EGLN2: variants seen among roughly 807,000 people sequenced by gnomAD.
EGLN2 encodes the protein egl-9 family hypoxia inducible factor 2.
EGLN2 carries 15 observed loss-of-function variants against 38.2 expected under a neutral mutation model. The observed-to-expected ratio is 0.39, with a 90% CI of 0.26 to 0.60. The LOEUF (loss-of-function observed/expected upper bound fraction) is 0.60. EGLN2 is among the 20% of genes least tolerant of loss of function. EGLN2 has a pLI of 0.50. For missense variants in EGLN2, 492 were observed against 570.4 expected, an observed-to-expected ratio of 0.86 and a Z score of 1.40; for synonymous variants, 284 against 237.4, an observed-to-expected ratio of 1.20 and a Z score of -1.81.
chr19:40,801,323 C>G lies in EGLN2; in HGVS notation c.751C>G (p.Arg251Gly), dbSNP rs558399060. 10 of 1,612,734 alleles carry G rather than the reference C, an allele frequency of 6.2e-6. No individual in the cohort carries two copies. The highest frequency in any genetic ancestry group is 1.7e-4 in the Middle Eastern group (1 of 6,060). The change falls in exon 2 of 6, where the codon CGA becomes GGA. Residue 251 changes from arginine to glycine, a missense_variant. This residue lies in a region of EGLN2 where 378 missense variants were observed against 386.2 expected (regional missense o/e 0.98). Coordinates refer to ENST00000303961, the MANE Select transcript of EGLN2 (RefSeq NM_080732.4). ...GGTGGAAGGCCATGAACCAGGCTGT[C>G]GAAGCATTGGTGCCCTCATGGCCCA... ...AWVEGHEPGC[R>G]SIGALMAHVD...
intron 2 of EGLN2, among the ~76,000 whole-genome samples, chr19:40,801,859 G>A (rs1336886904): frequency 6.6e-6 from 1 of 151,642 alleles, no homozygotes; most frequent in African/African-American, 2.4e-5. Flanking sequence ...TTAGGGAGTG[G>A]TGATGACTCT....
At chr19:40,803,663 C>T (rs2083280054) in intron 2 of EGLN2, among the ~76,000 whole-genome samples, 1 of 151,912 alleles carries the variant, frequency 6.6e-6, no homozygotes, top group African/African-American at 2.4e-5. Context: ...CCCCCAACTC[C>T]CTGGTTGGGG....
intron 1 of EGLN2, 179 bp from the exon 2 acceptor site, chr19:40,800,160 A>G (rs1015843717): frequency 1.5e-4 from 29 of 192,228 alleles, no homozygotes; most frequent in Admixed American, 1.5e-3. Context: ...CTGTCAGCGG[A>G]CTCCCGCACC....
intron 3 of EGLN2, 155 bp downstream of exon 3, chr19:40,806,829 C>T: frequency 8.9e-7 from 1 of 1,122,970 alleles, no homozygotes; most frequent in Non-Finnish European, 1.3e-6. Flanking sequence ...CCGGCTCTTC[C>T]TGGGAAATGG....
At chr19:40,807,398 G>A (rs2145093469) in intron 4 of EGLN2, 86 bp from the exon 5 acceptor site, 1 of 1,605,222 alleles carries the variant, frequency 6.2e-7, no homozygotes, top group Non-Finnish European at 8.5e-7. Context: ...GCAGAACCGG[G>A]TGGCTCAAAA....
rs373130523 is a variant in EGLN2 at position 40,800,938 on chromosome 19, C to T, written c.366C>T (p.Ala122=). 2.6e-5 allele frequency: 42 copies of T among 1,610,158 alleles called. No individual in the cohort carries two copies. The highest frequency in any genetic ancestry group is 1.3e-4 in the African/African-American group (10 of 75,012). The part of the protein sequence containing the change: ...ARPEAPKRKW[A]EDGGDAPSPS... Reference sequence around the variant, plus strand: ...CTGAGGCCCCCAAACGGAAATGGGCCGAGGATGGTGGGGATGCCCCTTCAC... The same window carrying T: ...CTGAGGCCCCCAAACGGAAATGGGCTGAGGATGGTGGGGATGCCCCTTCAC... Residue 122 remains alanine, a synonymous_variant, in exon 2 of 6, where the codon GCC becomes GCT. Coordinates refer to ENST00000303961, the MANE Select transcript of EGLN2 (RefSeq NM_080732.4).
In EGLN2 at chr19:40,808,218, G is replaced by C. The variant is rs2083320160; in HGVS notation, c.*354G>C. 1 of 446,040 alleles carries C rather than the reference G, an allele frequency of 2.2e-6. No homozygotes were observed. The highest frequency in any genetic ancestry group is 2.0e-5 in the African/African-American group (1 of 49,624). 27.6% of individuals were successfully genotyped at this position (446,040 alleles called of 1,614,324 possible). On this transcript the variant is annotated 3_prime_UTR_variant, in exon 6 of 6. Transcript: ENST00000303961. ...GATGCAGGACTTGGGGTTGAGGTGA[G>C]TCATGGCCTCTTGCTGGCAATGGGG... is the stretch of plus-strand genomic sequence containing the variant.
chr19:40,800,618 C>A lies in EGLN2; in HGVS notation c.46C>A (p.Gln16Lys). The A allele has an allele frequency of 1.6e-5, 26 of 1,613,130 alleles. No homozygotes were observed. The highest frequency in any genetic ancestry group is 2.0e-5 in the Non-Finnish European group (24 of 1,179,674). Residue 16 changes from glutamine to lysine, a missense_variant, in exon 2 of 6, where the codon CAG (glutamine) becomes AAG (lysine). Physicochemically the swap from Gln to Lys is moderately conservative, Grantham distance 53. Around this residue, in one of 2 missense-constraint regions of EGLN2, gnomAD observed 378 missense variants for 386.2 expected, o/e 0.98. Transcript: ENST00000303961. ...GCAGCCCCTAAGTCAGGCTCTCCCT[C>A]AGTTACCAGGGTCTTCGTCAGAGCC... is the stretch of plus-strand genomic sequence containing the variant. ...QPQPLSQALPQLPGSSSEPLE... is the reference protein window; with the variant it reads ...QPQPLSQALPKLPGSSSEPLE...
At chr19:40,805,490 T>C (rs553271297) in intron 2 of EGLN2, 5 of 152,358 alleles carry the variant, frequency 3.3e-5, no homozygotes, top group South Asian at 2.1e-4. Flanking sequence ...GTGAGCTCCA[T>C]TGGATCCATG....
At chr19:40,807,633 CTT>C (rs2083315023) in intron 5 of EGLN2, 82 bp downstream of exon 5, 1 of 1,511,676 alleles carries the variant, frequency 6.6e-7, no homozygotes, top group African/African-American at 1.4e-5. Context: ...TCATCAGCCT[CTT>C]GTTAAATCCC....
rs776755705 is a variant in EGLN2, at chr19:40,800,750, G to A, written c.178G>A (p.Gly60Arg). ...CPGVPSEASA[G>R]SGTPRATATS... ...AGGAGTGCCTAGTGAGGCCTCGGCA[G>A]GGAGTGGGACCCCCAGAGCCACAGC... The change falls in exon 2 of 6, where the codon GGG (glycine) becomes AGG (arginine). Residue 60 changes from glycine to arginine, a missense_variant. By Grantham distance (125) the Gly-to-Arg change is moderately radical. Around this residue, in one of 2 missense-constraint regions of EGLN2, gnomAD observed 378 missense variants for 386.2 expected, o/e 0.98. Coordinates refer to ENST00000303961, the MANE Select transcript of EGLN2 (RefSeq NM_080732.4). 6.2e-6 allele frequency: 10 copies of A among 1,613,664 alleles called. No homozygotes were observed. The South Asian group carries it at 1.1e-4, about 18-fold the overall frequency.
chr19:40,801,768 A>C (rs1389898570), intron 2 of EGLN2, among the ~76,000 whole-genome samples: 1 of 150,990 alleles, frequency 6.6e-6, no homozygotes, highest in Non-Finnish European at 1.5e-5. Flanking sequence ...CAGCAGATAA[A>C]CAAGTGAACA....
chr19:40,807,618 C>T (rs753171757), intron 5 of EGLN2, 67 bp downstream of exon 5: 5 of 1,546,048 alleles, frequency 3.2e-6, no homozygotes, highest in Admixed American at 1.7e-5. Flanking sequence ...GCCACCCCAT[C>T]CCCCTCATCA....
At chr19:40,805,644 A>G (rs1235257174) in intron 2 of EGLN2, 1 of 152,218 alleles carries the variant, frequency 6.6e-6, no homozygotes, top group Admixed American at 6.5e-5. Context: ...CAGCTCCCTG[A>G]TGACAAACAT....
chr19:40,800,321 T>C lies in EGLN2; in HGVS notation c.-234-18T>C. On this transcript the variant is annotated intron_variant, in intron 1 of 5. Transcript: ENST00000303961. ...CTCTAGTTTCTCTCACATCCCTTTT[T>C]TTTTTTCCTTTCTCTAGCCACCCTG... The C allele has an allele frequency of 2.1e-6, 1 of 477,322 alleles. No homozygotes were observed. Among genetic ancestry groups the C allele is most frequent in the Non-Finnish European group, 3.7e-6 (1 of 269,940 alleles). 29.6% of individuals were successfully genotyped at this position (477,322 alleles called of 1,614,324 possible).
chr19:40,801,453 A>G, intron 2 of EGLN2, 38 bp downstream of exon 2: 1 of 1,578,336 alleles, frequency 6.3e-7, no homozygotes, highest in East Asian at 2.2e-5. Context: ...GGGGCTTTGC[A>G]GCACCCTGGT....
At position 40,807,545 on chromosome 19, in the gene EGLN2, C is replaced by G. The variant is rs771677442; in HGVS notation, c.1162C>G (p.Gln388Glu). The G allele has an allele frequency of 3.7e-6, 6 of 1,614,186 alleles. No homozygotes were observed. The highest frequency in any genetic ancestry group is 5.1e-6 in the Non-Finnish European group (6 of 1,180,004). The change falls in exon 5 of 6, where the codon CAG becomes GAG. Residue 388 changes from glutamine (Q) to glutamate (E), a missense_variant. Transcript: ENST00000303961. ...GCGGGCAGCAGCCAAAGACAAGTAT[C>G]AGCTAGGTACCTGCTTCCCTCCCTT... Reference protein sequence around the residue: ...KERAAAKDKYQLASGQKGVQV... With the variant: ...KERAAAKDKYELASGQKGVQV...
chr19:40,801,835 C>T (rs539095008), intron 2 of EGLN2, among the ~76,000 whole-genome samples: 2 of 151,892 alleles, frequency 1.3e-5, no homozygotes, highest in Admixed American at 1.3e-4. Flanking sequence ...GTTTGTGTCC[C>T]TGGGTACTTG....
intron 2 of EGLN2, chr19:40,804,262 G>A (rs999930831): frequency 3.9e-5 from 6 of 152,366 alleles, no homozygotes; most frequent in African/African-American, 1.4e-4. Context: ...GCAGTACTAG[G>A]TAAACAGGTG....
Sources: gnomAD v4.1 joint callset for allele counts (sites outside exome capture counted in the v4.1 genomes callset) on GRCh38, gnomAD v4.1.1 for gene constraint, gnomAD v4.1.1 regional missense constraint, MANE v1.5 for transcripts, NCBI Gene and HGNC (gene_info 2026-07-23, HGNC 2026-07-21) for gene names.